FAR2: variants seen among roughly 807,000 people sequenced by gnomAD.
FAR2 encodes epididymis secretory protein Li 81.
A neutral mutation model predicts 56.0 loss-of-function variants in FAR2; 19 were observed. That is an observed-to-expected ratio of 0.34 (90% CI 0.24 to 0.50). The LOEUF (loss-of-function observed/expected upper bound fraction) is 0.50. Ranked by LOEUF, FAR2 falls within the 20% of genes least tolerant of loss-of-function variation. FAR2 has a pLI of 0.98. For synonymous variants in FAR2, 219 were observed against 218.8 expected, an observed-to-expected ratio of 1.00 and a Z score of -0.01; for missense variants, 508 against 642.2, an observed-to-expected ratio of 0.79 and a Z score of 2.26.
intron 1 of FAR2, among the ~76,000 whole-genome samples, chr12:29,159,374 G>A (rs537760379): frequency 4.6e-5 from 7 of 151,886 alleles, no homozygotes; most frequent in Admixed American, 1.3e-4. Context: ...CCATCTCTAC[G>A]AAAAATACAA....
intron 1 of FAR2, among the ~76,000 whole-genome samples, chr12:29,198,634 AT>A (rs34949520): frequency 0.74 from 112,128 of 151,952 alleles, 43,416 homozygotes; most frequent in East Asian, 0.91. Flanking sequence ...TCATGTTTTG[AT>A]TTTTTTTCCT....
chr12:29,262,809 T>C (rs1055299936), intron 1 of FAR2, among the ~76,000 whole-genome samples: 2 of 152,050 alleles, frequency 1.3e-5, no homozygotes, highest in Admixed American at 1.3e-4. Context: ...AATAATAACA[T>C]TGAATGTAAA....
chr12:29,276,996 G>A (rs1379961361), intron 2 of FAR2, among the ~76,000 whole-genome samples: 1 of 151,986 alleles, frequency 6.6e-6, no homozygotes, highest in Non-Finnish European at 1.5e-5. Flanking sequence ...TTTATTTTGA[G>A]ACGGAGTCTC....
intron 1 of FAR2, among the ~76,000 whole-genome samples, chr12:29,168,101 G>C (rs535958175): frequency 2.6e-5 from 4 of 152,126 alleles, no homozygotes; most frequent in African/African-American, 2.4e-5. Flanking sequence ...TCTTGATAAC[G>C]TGTCAGTCAA....
intron 1 of FAR2, among the ~76,000 whole-genome samples, chr12:29,259,197 GA>G: frequency 6.6e-6 from 1 of 152,326 alleles, no homozygotes; most frequent in South Asian, 2.1e-4. Context: ...AAAGCCTGGA[GA>G]AATTTTTGGT....
At chr12:29,272,314 G>A (rs975739700) in intron 2 of FAR2, among the ~76,000 whole-genome samples, 2 of 152,106 alleles carry the variant, frequency 1.3e-5, no homozygotes, top group Admixed American at 1.3e-4. Context: ...ATATTTCTTG[G>A]AGGCTTTGTT....
intron 1 of FAR2, among the ~76,000 whole-genome samples, chr12:29,219,184 C>T (rs1947657069): frequency 6.6e-6 from 1 of 152,104 alleles, no homozygotes; most frequent in African/African-American, 2.4e-5. Context: ...CCACTGTGCC[C>T]AGCCCACGTT....
chr12:29,164,272 T>A (rs1028590137), intron 1 of FAR2, among the ~76,000 whole-genome samples: 2 of 152,232 alleles, frequency 1.3e-5, no homozygotes, highest in South Asian at 4.1e-4. Context: ...GAGGCCTTGA[T>A]GAGGCAGTTA....
At chr12:29,238,812 A>G (rs1241181639) in intron 1 of FAR2, among the ~76,000 whole-genome samples, 2 of 152,206 alleles carry the variant, frequency 1.3e-5, no homozygotes, top group Non-Finnish European at 2.9e-5. Context: ...AAATAAGCCA[A>G]CTAAGGAAAC....
chr12:29,245,940 T>A (rs1205595827), intron 1 of FAR2, among the ~76,000 whole-genome samples: 1 of 152,112 alleles, frequency 6.6e-6, no homozygotes, highest in Non-Finnish European at 1.5e-5. Flanking sequence ...AATACACAAA[T>A]GATTTACTAT....
rs138466894 is a variant in FAR2, at chr12:29,158,818, A to G, written c.-39+9411A>G. ...AAGTACCATATCTATATTTGGTTCA[A>G]TTCTCTTAAAGAAAATAAAAGCCAG... On this transcript the variant is annotated intron_variant, in intron 1 of 11. Transcript: ENST00000536681. Among the ~76,000 whole-genome samples, 211 of 152,338 alleles carry G rather than the reference A, an allele frequency of 1.4e-3. 1 individual carries two copies. In the South Asian group the frequency reaches 0.019, roughly 14 times the overall value.
chr12:29,323,538 C>T (rs1000877794), intron 10 of FAR2, among the ~76,000 whole-genome samples: 2 of 152,210 alleles, frequency 1.3e-5, no homozygotes, highest in Non-Finnish European at 2.9e-5. Flanking sequence ...AGGTACTCCT[C>T]TGAGACAAAA....
At chr12:29,168,419 G>A (rs1381534631) in intron 1 of FAR2, among the ~76,000 whole-genome samples, 1 of 152,206 alleles carries the variant, frequency 6.6e-6, no homozygotes, top group African/African-American at 2.4e-5. Flanking sequence ...CTCATTTGGT[G>A]CATGTTCAGA....
chr12:29,295,492 C>CTTGGGAGTTTGATTAGAATTACCTTGT (rs1949048776), intron 3 of FAR2, among the ~76,000 whole-genome samples: 1 of 152,066 alleles, frequency 6.6e-6, no homozygotes, highest in African/African-American at 2.4e-5. Context: ...AATTACCTTG[C>CTTGGGAGTTTGATTAGAATTACCTTGT]ATATGTAGAA....
At chr12:29,253,255 C>CTA (rs1247390591) in intron 1 of FAR2, among the ~76,000 whole-genome samples, 1 of 130,358 alleles carries the variant, frequency 7.7e-6, no homozygotes, top group Admixed American at 8.2e-5. Context: ...ATATCGATAT[C>CTA]TATCTAGATA....
intron 1 of FAR2, among the ~76,000 whole-genome samples, chr12:29,192,391 A>C (rs1950110169): frequency 6.6e-6 from 1 of 152,186 alleles, no homozygotes; most frequent in Non-Finnish European, 1.5e-5. Flanking sequence ...CAAGAAGACT[A>C]CCTTGGAAAG....
chr12:29,316,814 C>T (rs759214508), intron 8 of FAR2, 27 bp from the exon 9 acceptor site: 3 of 1,611,598 alleles, frequency 1.9e-6, no homozygotes, highest in Non-Finnish European at 2.5e-6. Flanking sequence ...CTTTTCTCCT[C>T]TAGCACTTAC....
chr12:29,288,903 G>C (rs553049326), intron 2 of FAR2, among the ~76,000 whole-genome samples: 12 of 152,150 alleles, frequency 7.9e-5, no homozygotes, highest in Admixed American at 4.6e-4. Context: ...AAGAATCAAG[G>C]AGTTTACAAA....
intron 1 of FAR2, among the ~76,000 whole-genome samples, chr12:29,189,652 A>G (rs1191563823): frequency 1.3e-5 from 2 of 152,224 alleles, no homozygotes; most frequent in Middle Eastern, 3.2e-3. Flanking sequence ...ACACATATCT[A>G]TAAATATTTA....
Sources: allele counts gnomAD v4.1 joint callset (sites outside exome capture counted in the v4.1 genomes callset), GRCh38; gene constraint gnomAD v4.1.1; transcripts MANE v1.5; gene names NCBI Gene and HGNC (gene_info 2026-07-23, HGNC 2026-07-21).